ADGRD1: variants seen among roughly 807,000 people sequenced by gnomAD.
The protein encoded by ADGRD1 is adhesion G protein-coupled receptor D1.
In ADGRD1, 77 loss-of-function variants were observed where a neutral mutation model predicts 113.4. That is an observed-to-expected ratio of 0.68 (90% CI 0.57 to 0.82). The LOEUF is 0.82. Among genes scored for constraint, ADGRD1 ranks in the 40% least tolerant of loss-of-function variants. The pLI, the probability that ADGRD1 is intolerant of heterozygous loss-of-function variation, is 0.00. For synonymous variants in ADGRD1, 474 were observed against 475.0 expected (o/e 1.00, Z 0.03); for missense variants, 1,036 against 1,139.1 (o/e 0.91, Z 1.30).
At chr12:130,967,092 C>G (rs1435831722) in intron 3 of ADGRD1, 2 of 450,310 alleles carry the variant, frequency 4.4e-6, no homozygotes, top group African/African-American at 2.0e-5. Flanking sequence ...GTTGAATGGA[C>G]TAGCGTCATC....
At chr12:130,977,171 A>G (rs893279177) in intron 4 of ADGRD1, 6 of 152,324 alleles carry the variant, frequency 3.9e-5, no homozygotes, top group African/African-American at 1.2e-4. Flanking sequence ...AGGCAGGGCC[A>G]GCATTTTCCA....
At chr12:130,978,974 G>T (rs1240789181) in intron 4 of ADGRD1, among the ~76,000 whole-genome samples, 3 of 152,158 alleles carry the variant, frequency 2.0e-5, no homozygotes, top group Non-Finnish European at 4.4e-5. Context: ...AGCGCCCAAG[G>T]CAGGGAAGTG....
At position 130,954,173 on chromosome 12, in the gene ADGRD1, C is replaced by A; in HGVS notation, c.-293C>A. Reference sequence around the variant, plus strand: ...CGGTCACAGTGGTGACCTGGGATTGCTTTCCCAGGACTGCGAGTCGGGTTT... The same window carrying A: ...CGGTCACAGTGGTGACCTGGGATTGATTTCCCAGGACTGCGAGTCGGGTTT... On this transcript the variant is annotated 5_prime_UTR_variant, in exon 1 of 25. Coordinates refer to ENST00000261654, the MANE Select transcript of ADGRD1 (RefSeq NM_198827.5). This position sits in a 1 kb window ranked among gnomAD's most constrained non-coding sequence, Gnocchi z 4.7. 2.8e-6 allele frequency: 1 copy of A among 359,072 alleles called. No individual in the cohort carries two copies. Among genetic ancestry groups the A allele is most frequent in the Non-Finnish European group, 4.9e-6 (1 of 202,704 alleles). The allele number at this position is 359,072 out of a possible 1,614,324, so 22.2% of individuals were successfully genotyped here.
In ADGRD1 at chr12:131,113,118, G is replaced by A. The variant is rs1950381294; in HGVS notation, c.2041+4241G>A. On this transcript the variant is annotated intron_variant, in intron 18 of 24. Transcript: ENST00000261654. The surrounding 1 kb of genome is among the most constrained non-coding windows in gnomAD (Gnocchi z 4.9). The stretch of plus-strand genomic sequence containing the variant: ...TGGAGCAGAGCCTCTCTCACACCAA[G>A]CTGGGCAGGGAAGCAGGTTTTGGCT... 1.3e-5 allele frequency among the ~76,000 whole-genome samples: 2 copies of A among 152,182 alleles called. No homozygotes were observed. Among genetic ancestry groups the A allele is most frequent in the African/African-American group, 4.8e-5 (2 of 41,456 alleles).
chr12:131,090,708 C>T (rs950930169), intron 15 of ADGRD1, among the ~76,000 whole-genome samples: 2 of 152,248 alleles, frequency 1.3e-5, no homozygotes, highest in Non-Finnish European at 2.9e-5. Flanking sequence ...GGAGCCATGT[C>T]AAGGCATCTG....
chr12:131,091,077 C>T (rs1335394741), intron 15 of ADGRD1, among the ~76,000 whole-genome samples: 10 of 152,184 alleles, frequency 6.6e-5, no homozygotes, highest in Non-Finnish European at 1.3e-4. Flanking sequence ...ACCCCAACTG[C>T]TCCACTCCCC....
chr12:131,020,032 G>A (rs1419944978), intron 13 of ADGRD1, among the ~76,000 whole-genome samples: 1 of 125,902 alleles, frequency 7.9e-6, no homozygotes, highest in Non-Finnish European at 1.7e-5. Flanking sequence ...AGGGCAGGGG[G>A]TGCTCGAGGG....
In ADGRD1 at chr12:131,014,318, C is replaced by T. The variant is rs149266247; in HGVS notation, c.1451C>T (p.Thr484Met). ...AACCTGTCGGGCTCTCCACTCATTACGGTCCACCTCAAGCACAGATTGGTG... is the reference window on the plus strand; with the variant it reads ...AACCTGTCGGGCTCTCCACTCATTATGGTCCACCTCAAGCACAGATTGGTG... ...SQNLSGSPLI[T>M]VHLKHRLTRK... is the part of the protein sequence containing the mutation. The change falls in exon 13 of 25, where the codon ACG (threonine) becomes ATG (methionine). Residue 484 changes from threonine to methionine, a missense_variant. By Grantham distance (81) the Thr-to-Met change is moderately conservative. Coordinates refer to ENST00000261654, the MANE Select transcript of ADGRD1 (RefSeq NM_198827.5). 4.9e-4 allele frequency: 791 copies of T among 1,613,810 alleles called. 4 individuals carry two copies. In the African/African-American group the frequency reaches 9.1e-3, roughly 19 times the overall value.
chr12:131,008,863 G>T (rs557865339), intron 12 of ADGRD1, among the ~76,000 whole-genome samples: 1 of 152,328 alleles, frequency 6.6e-6, no homozygotes, highest in East Asian at 1.9e-4. Flanking sequence ...AGGGACTCAC[G>T]GGTGCTCGAG....
intron 13 of ADGRD1, among the ~76,000 whole-genome samples, chr12:131,055,803 C>T (rs1883818738): frequency 6.6e-6 from 1 of 152,202 alleles, no homozygotes; most frequent in South Asian, 2.1e-4. Flanking sequence ...TTAGACGGTT[C>T]TAGAAGCAAA....
chr12:130,995,224 G>T (rs750310152), intron 8 of ADGRD1, among the ~76,000 whole-genome samples: 1 of 152,100 alleles, frequency 6.6e-6, no homozygotes, highest in East Asian at 1.9e-4. Context: ...AGACAGGCAC[G>T]CACCCCAGAA....
intron 13 of ADGRD1, chr12:131,070,749 C>T: frequency 2.0e-6 from 1 of 506,258 alleles, no homozygotes; most frequent in Non-Finnish European, 4.0e-6. Context: ...TGGGCGGAAC[C>T]TTCCTGGCCC....
In ADGRD1 at chr12:131,118,439, GA is replaced by G; in HGVS notation, c.2098del (p.Thr700GlnfsTer18). On this transcript the variant is annotated frameshift_variant, in exon 19 of 25. Coordinates refer to ENST00000261654, the MANE Select transcript of ADGRD1 (RefSeq NM_198827.5). LOFTEE classifies it high-confidence loss of function. Reference sequence around the variant, plus strand: ...CTGTCATTTGCCATGGACAGTTACGGAACAAGCAACAAGTAAGTGCAGGGCT... The same window carrying G: ...CTGTCATTTGCCATGGACAGTTACGGACAAGCAACAAGTAAGTGCAGGGCT... ...ISLSFAMDSY[G>X]TSNNCWLSLA... 1 of 1,611,202 alleles carries G rather than the reference GA, an allele frequency of 6.2e-7. No homozygotes were observed. The highest frequency in any genetic ancestry group is 8.5e-7 in the Non-Finnish European group (1 of 1,178,924).
At chr12:131,072,461 C>T (rs964290445) in intron 13 of ADGRD1, among the ~76,000 whole-genome samples, 3 of 152,240 alleles carry the variant, frequency 2.0e-5, no homozygotes, top group African/African-American at 7.2e-5. Flanking sequence ...CTGCACAAGT[C>T]TACCCCTCTG....
chr12:131,064,965 G>A (rs1884600307), intron 13 of ADGRD1, among the ~76,000 whole-genome samples: 1 of 152,182 alleles, frequency 6.6e-6, no homozygotes, highest in South Asian at 2.1e-4. Context: ...CAGACCTACT[G>A]AACAGGATGA....
rs1951000697 is a variant in ADGRD1 at position 131,133,853 on chromosome 12, AT to A, written c.2267+2039del. Among the ~76,000 whole-genome samples the A allele has an allele frequency of 3.9e-5, 6 of 152,172 alleles. 1 individual carries two copies. In the South Asian group the frequency reaches 1.0e-3, roughly 26 times the overall value. Reference sequence around the variant, plus strand: ...GAGGAAGCTTCCCCAGCACCTTGCTATTCTTCATCCTCTGGTTTTATTCTAG... The same window carrying A: ...GAGGAAGCTTCCCCAGCACCTTGCTATCTTCATCCTCTGGTTTTATTCTAG... On this transcript the variant is annotated intron_variant, in intron 21 of 24. Transcript: ENST00000261654.
rs137909892 is a variant in ADGRD1, at chr12:130,991,062, C to A, written c.794C>A (p.Ser265Tyr). ...ACGCTGCCAAGCCTCTTCATGACAT[C>A]CACAGCAAGCCCCGTGGTGAGCAGA... ...SSTLPSLFMT[S>Y]TASPVMPTDA... The change falls in exon 7 of 25, where the codon TCC becomes TAC. Residue 265 changes from serine (S) to tyrosine (Y), a missense_variant. Physicochemically the swap from Ser to Tyr is moderately radical, Grantham distance 144. Coordinates refer to ENST00000261654, the MANE Select transcript of ADGRD1 (RefSeq NM_198827.5). 4.8e-3 allele frequency: 7,760 copies of A among 1,613,940 alleles called. 41 individuals carry two copies. The highest frequency in any genetic ancestry group is 5.6e-3 in the Non-Finnish European group (6,637 of 1,179,790).
At chr12:131,059,970 T>A (rs1456463803) in intron 13 of ADGRD1, among the ~76,000 whole-genome samples, 1 of 152,258 alleles carries the variant, frequency 6.6e-6, no homozygotes, top group Non-Finnish European at 1.5e-5. Context: ...ACTTTGGTTA[T>A]TATGTTATGA....
chr12:130,983,068 G>C (rs1464051005), intron 5 of ADGRD1, among the ~76,000 whole-genome samples: 1 of 152,192 alleles, frequency 6.6e-6, no homozygotes, highest in Non-Finnish European at 1.5e-5. Flanking sequence ...AAACAGGCTG[G>C]ATCAAATCCC....
Sources: gnomAD v4.1 joint callset for allele counts (sites outside exome capture counted in the v4.1 genomes callset) on GRCh38, gnomAD v4.1.1 for gene constraint, Gnocchi (gnomAD v3.1) non-coding constraint, MANE v1.5 for transcripts, NCBI Gene and HGNC (gene_info 2026-07-23, HGNC 2026-07-21) for gene names.